Variants in WWOX observed in about 807,000 individuals in gnomAD.
WWOX encodes WW domain-containing oxidoreductase.
WWOX carries 69 observed loss-of-function variants against 46.2 expected under a neutral mutation model. The observed-to-expected ratio is 1.49, with a 90% confidence interval of 1.23 to 1.82. The LOEUF is 1.82. Among genes scored for constraint, WWOX ranks in the 40% most tolerant of loss-of-function variants. WWOX has a pLI of 0.00. For missense variants in WWOX, 919 were observed against 542.6 expected, an observed-to-expected ratio of 1.69 and a Z score of -6.89; for synonymous variants, 359 against 202.6, an observed-to-expected ratio of 1.77 and a Z score of -6.56.
At chr16:78,823,603 T>C (rs1197584739) in intron 8 of WWOX, among the ~76,000 whole-genome samples, 2 of 152,156 alleles carry the variant, frequency 1.3e-5, no homozygotes, top group Non-Finnish European at 2.9e-5. Flanking sequence ...TTAATGGACA[T>C]TGTTTGATAA....
chr16:78,776,901 C>A (rs931230698), intron 8 of WWOX, among the ~76,000 whole-genome samples: 4 of 152,116 alleles, frequency 2.6e-5, no homozygotes, highest in African/African-American at 9.7e-5. Flanking sequence ...CAGTCACCTC[C>A]TACCAGGTCT....
At chr16:78,415,186 G>A (rs117148077) in intron 6 of WWOX, among the ~76,000 whole-genome samples, 3,854 of 151,612 alleles carry the variant, frequency 0.025, 50 homozygotes, top group African/African-American at 0.031. Flanking sequence ...GGCAGTTCCC[G>A]GAAGTGAGGG....
chr16:79,084,636 G>T (rs1443543599), intron 8 of WWOX, among the ~76,000 whole-genome samples: 1 of 152,144 alleles, frequency 6.6e-6, no homozygotes, highest in Non-Finnish European at 1.5e-5. Flanking sequence ...ACTGGTCTTG[G>T]ACTCCTGGCC....
intron 8 of WWOX, among the ~76,000 whole-genome samples, chr16:78,942,142 T>C (rs993791636): frequency 6.6e-6 from 1 of 152,148 alleles, no homozygotes; most frequent in Non-Finnish European, 1.5e-5. Flanking sequence ...TTCTAGTAGC[T>C]TGGATGTGAT....
intron 8 of WWOX, among the ~76,000 whole-genome samples, chr16:78,555,955 T>C (rs983178133): frequency 1.3e-5 from 2 of 152,274 alleles, no homozygotes; most frequent in East Asian, 3.9e-4. Context: ...TCGCTGCTTA[T>C]GAAATGCAAG....
At chr16:78,930,029 C>T (rs2045584328) in intron 8 of WWOX, among the ~76,000 whole-genome samples, 1 of 152,046 alleles carries the variant, frequency 6.6e-6, no homozygotes, top group Non-Finnish European at 1.5e-5. Context: ...GCAGGGAAGT[C>T]CCACATGGAC....
intron 8 of WWOX, among the ~76,000 whole-genome samples, chr16:78,650,183 G>T (rs1007968485): frequency 6.6e-6 from 1 of 152,088 alleles, no homozygotes; most frequent in Non-Finnish European, 1.5e-5. Context: ...TGGCTAACTT[G>T]CATAAAAAGG....
chr16:78,453,126 A>G (rs2083731767), intron 8 of WWOX, among the ~76,000 whole-genome samples: 1 of 152,008 alleles, frequency 6.6e-6, no homozygotes, highest in Admixed American at 6.6e-5. Context: ...GTGTATTTGT[A>G]AAAAATTTAT....
chr16:78,762,834 C>G (rs559519955), intron 8 of WWOX, among the ~76,000 whole-genome samples: 5 of 152,282 alleles, frequency 3.3e-5, no homozygotes, highest in African/African-American at 1.2e-4. Context: ...ATAAAAGCAC[C>G]TACTTGTTAA....
chr16:78,830,757 A>G (rs895495030), intron 8 of WWOX, among the ~76,000 whole-genome samples: 1 of 151,568 alleles, frequency 6.6e-6, no homozygotes, highest in Non-Finnish European at 1.5e-5. Context: ...TATTGGAGGG[A>G]ACATCTGAGC....
At chr16:78,760,895 A>G (rs1169509004) in intron 8 of WWOX, among the ~76,000 whole-genome samples, 1 of 152,158 alleles carries the variant, frequency 6.6e-6, no homozygotes, top group Non-Finnish European at 1.5e-5. Flanking sequence ...TGGAAGGGGA[A>G]AGGCGCATCT....
chr16:78,688,269 G>C (rs946640444), intron 8 of WWOX, among the ~76,000 whole-genome samples: 1 of 150,626 alleles, frequency 6.6e-6, no homozygotes, highest in Non-Finnish European at 1.5e-5. Flanking sequence ...TTTATTTCTT[G>C]TTGCATCGTC....
chr16:79,134,456 G>A (rs533051841), intron 8 of WWOX, among the ~76,000 whole-genome samples: 4 of 152,136 alleles, frequency 2.6e-5, no homozygotes, highest in Admixed American at 2.6e-4. Context: ...CTGTTGGAGG[G>A]AGCTATGTGC....
intron 8 of WWOX, among the ~76,000 whole-genome samples, chr16:78,953,335 A>G (rs1400826286): frequency 1.3e-5 from 2 of 152,246 alleles, no homozygotes; most frequent in Admixed American, 6.5e-5. Flanking sequence ...TACTTTAGAG[A>G]ACAAACTCTT....
At chr16:78,559,216 G>T (rs1035114812) in intron 8 of WWOX, among the ~76,000 whole-genome samples, 11 of 152,210 alleles carry the variant, frequency 7.2e-5, no homozygotes, top group African/African-American at 2.7e-4. Flanking sequence ...GAGCGTTTAT[G>T]AATGTTGTGG....
chr16:78,317,524 G>C (rs117480044), intron 5 of WWOX, among the ~76,000 whole-genome samples: 2,603 of 152,246 alleles, frequency 0.017, 18 homozygotes, highest in Non-Finnish European at 0.025. Context: ...GACAAGCATC[G>C]GGTTGGATAA....
At chr16:78,921,590 G>T (rs183720967) in intron 8 of WWOX, among the ~76,000 whole-genome samples, 41 of 152,308 alleles carry the variant, frequency 2.7e-4, no homozygotes, top group Middle Eastern at 3.4e-3. Flanking sequence ...TCATTTCACT[G>T]ATGAGGAAAC....
intron 8 of WWOX, among the ~76,000 whole-genome samples, chr16:79,037,767 T>TA: frequency 6.6e-6 from 1 of 152,280 alleles, no homozygotes; most frequent in Admixed American, 6.5e-5. Context: ...GAGTTGTTTT[T>TA]ATCCCCTACA....
intron 8 of WWOX, among the ~76,000 whole-genome samples, chr16:78,684,049 C>G (rs573275224): frequency 6.6e-6 from 1 of 152,254 alleles, no homozygotes; most frequent in Admixed American, 6.5e-5. Context: ...ATTCTTCTCC[C>G]TCACAGTTTT....
Sources: allele counts gnomAD v4.1 joint callset (sites outside exome capture counted in the v4.1 genomes callset), GRCh38; gene constraint gnomAD v4.1.1; transcripts MANE v1.5; gene names NCBI Gene and HGNC (gene_info 2026-07-23, HGNC 2026-07-21).